The following DNMT3A variants were observed in gnomAD, a reference collection of about 807,000 sequenced individuals.
DNMT3A encodes DNA (cytosine-5)-methyltransferase 3A.
Under a neutral mutation model 117.6 loss-of-function variants are expected in DNMT3A, and 267 were observed. That is an observed-to-expected ratio of 2.27 (90% CI 2.05 to 2.51). The LOEUF is 2.51. DNMT3A is among the 30% of genes most tolerant of loss of function. The pLI is 0.00. For synonymous variants in DNMT3A, 432 were observed against 474.8 expected, an observed-to-expected ratio of 0.91 and a Z score of 1.17; for missense variants, 1,029 against 1,260.2, an observed-to-expected ratio of 0.82 and a Z score of 2.78.
In DNMT3A at chr2:25,339,666, G is replaced by C. The variant is rs566104570; in HGVS notation, c.-178+2160C>G. ...CTCGGTAGAACCTGGAGGCAGAGGG[G>C]GACCATTTTGCCCCAGAAACCCAGC... On this transcript the variant is annotated intron_variant, in intron 1 of 22. Coordinates refer to ENST00000321117, the MANE Select transcript of DNMT3A (RefSeq NM_022552.5). This position sits in a 1 kb window ranked among gnomAD's most constrained non-coding sequence, Gnocchi z 4.9. Among the ~76,000 whole-genome samples the C allele has an allele frequency of 2.6e-5, 4 of 152,128 alleles. No homozygotes were observed. The highest frequency in any genetic ancestry group is 5.9e-5 in the Non-Finnish European group (4 of 68,014).
chr2:25,328,309 A>G (rs890734136), intron 1 of DNMT3A, among the ~76,000 whole-genome samples: 5 of 152,004 alleles, frequency 3.3e-5, no homozygotes, highest in African/African-American at 9.7e-5. Flanking sequence ...GCCTCCGCCC[A>G]CTGCTCTGGC....
At chr2:25,275,410 G>GGCCCCCCC in intron 5 of DNMT3A, 90 bp downstream of exon 5, 9 of 1,451,144 alleles carry the variant, frequency 6.2e-6, no homozygotes, top group South Asian at 1.3e-5. Context: ...AGGAGGAGGG[G>GGCCCCCCC]CCCACCCTCC....
At chr2:25,261,876 C>A (rs765744068) in intron 6 of DNMT3A, among the ~76,000 whole-genome samples, 4 of 151,922 alleles carry the variant, frequency 2.6e-5, no homozygotes, top group Non-Finnish European at 5.9e-5. Context: ...TGAGGACCAC[C>A]CTGGAATCTG....
chr2:25,259,441 C>T (rs950311894), intron 6 of DNMT3A, among the ~76,000 whole-genome samples: 3 of 152,192 alleles, frequency 2.0e-5, no homozygotes, highest in African/African-American at 7.2e-5. Context: ...GATGACAAGA[C>T]CTTAAATAAC....
At chr2:25,278,564 G>A (rs1255721648) in intron 4 of DNMT3A, among the ~76,000 whole-genome samples, 1 of 152,250 alleles carries the variant, frequency 6.6e-6, no homozygotes, top group African/African-American at 2.4e-5. Context: ...AGTGGCTCAT[G>A]CCTGTAATCT....
chr2:25,272,400 A>G (rs2030988198), intron 6 of DNMT3A, among the ~76,000 whole-genome samples: 1 of 152,220 alleles, frequency 6.6e-6, no homozygotes, highest in South Asian at 2.1e-4. Context: ...AACTGAGGGC[A>G]GGCCTCCATA....
chr2:25,241,522 G>A (rs1674019615), intron 17 of DNMT3A, 40 bp downstream of exon 17: 3 of 1,590,630 alleles, frequency 1.9e-6, no homozygotes, highest in Non-Finnish European at 1.7e-6. Context: ...TGAGTGTGCA[G>A]GGAGGGGAAG....
rs1415122431 is a variant in DNMT3A, at chr2:25,233,788, A to C, written c.*491T>G. The stretch of plus-strand genomic sequence containing the variant: ...GTAAAAAAAAAAACCCAAAAAAAAA[A>C]AACAAAAAACAAAAAAAAAAACAAC... On this transcript the variant is annotated 3_prime_UTR_variant, in exon 23 of 23. Coordinates refer to ENST00000321117, the MANE Select transcript of DNMT3A (RefSeq NM_022552.5). The C allele has an allele frequency of 4.7e-6, 1 of 214,384 alleles. No individual in the cohort carries two copies. Among genetic ancestry groups the C allele is most frequent in the African/African-American group, 2.3e-5 (1 of 42,684 alleles). 13.3% of individuals were successfully genotyped at this position (214,384 alleles called of 1,614,324 possible).
chr2:25,244,428 G>A, intron 14 of DNMT3A, 90 bp from the exon 15 acceptor site: 1 of 1,571,188 alleles, frequency 6.4e-7, no homozygotes, highest in Middle Eastern at 1.7e-4. Context: ...ACCGGGTCTG[G>A]AGCATGGCTA....
At chr2:25,246,101 C>G (rs780361181) in intron 11 of DNMT3A, 37 bp from the exon 12 acceptor site, 1 of 1,614,182 alleles carries the variant, frequency 6.2e-7, no homozygotes, top group Non-Finnish European at 8.5e-7. Flanking sequence ...GAGGAGGCCG[C>G]GCCTGCTCCT....
At chr2:25,279,683 T>G (rs2006788) in intron 4 of DNMT3A, among the ~76,000 whole-genome samples, 49,704 of 136,040 alleles carry the variant, frequency 0.37, 8,344 homozygotes, top group African/African-American at 0.44. Flanking sequence ...CCAAAGTTTG[T>G]TTTTTTTTTT....
Position 25,233,789 on chromosome 2 carries a change from A to C in DNMT3A, c.*490T>G, listed in dbSNP as rs1473591527. 3.5e-4 allele frequency: 75 copies of C among 214,512 alleles called. No homozygotes were observed. Among genetic ancestry groups the C allele is most frequent in the African/African-American group, 1.5e-3 (63 of 42,740 alleles). The allele number at this position is 214,512 out of a possible 1,614,324, so 13.3% of individuals were successfully genotyped here. A position where few individuals can be genotyped will look rare whatever the true frequency, so the allele number is the denominator to read the frequency against. ...TAAAAAAAAAAACCCAAAAAAAAAA[A>C]ACAAAAAACAAAAAAAAAAACAACC... On this transcript the variant is annotated 3_prime_UTR_variant, in exon 23 of 23. Transcript: ENST00000321117.
At position 25,286,548 on chromosome 2, in the gene DNMT3A, G is replaced by C. The variant is rs142082647; in HGVS notation, c.178-3837C>G. Among the ~76,000 whole-genome samples the C allele has an allele frequency of 9.3e-4, 142 of 152,290 alleles. No individual in the cohort carries two copies. Among genetic ancestry groups the C allele is most frequent in the Middle Eastern group, 3.4e-3 (1 of 294 alleles). ...GATTCAGCCAAAGTTCTGGGATTTG[G>C]GGGGGAGGGCAATGACTTCTGCCAC... On this transcript the variant is annotated intron_variant, in intron 3 of 22. Coordinates refer to ENST00000321117, the MANE Select transcript of DNMT3A (RefSeq NM_022552.5). This position sits in a 1 kb window ranked among gnomAD's most constrained non-coding sequence, Gnocchi z 4.3.
Position 25,313,903 on chromosome 2 carries a change from C to T in DNMT3A, c.72+10G>A, listed in dbSNP as rs370534287. The T allele has an allele frequency of 1.0e-3, 1,618 of 1,549,148 alleles. 3 individuals are homozygous for T. Among genetic ancestry groups the T allele is most frequent in the Non-Finnish European group, 1.2e-3 (1,342 of 1,146,832 alleles). On this transcript the variant is annotated intron_variant, in intron 2 of 22. Coordinates refer to ENST00000321117, the MANE Select transcript of DNMT3A (RefSeq NM_022552.5). ...AGGCCAGAGGGTCCCCAGCAGAGCC[C>T]GCTGCTCACCTTTCGGTCCTCCTCC...
Position 25,251,167 on chromosome 2 carries a change from G to C in DNMT3A, c.640-2915C>G, listed in dbSNP as rs973289669. Among the ~76,000 whole-genome samples the C allele has an allele frequency of 4.8e-3, 651 of 136,646 alleles. 28 individuals are homozygous for C. Among genetic ancestry groups the C allele is most frequent in the Admixed American group, 0.016 (228 of 13,974 alleles). 89.6% of individuals were successfully genotyped at this position (136,646 alleles called of 152,430 possible). A position where few individuals can be genotyped will look rare whatever the true frequency, so the allele number is the denominator to read the frequency against. On this transcript the variant is annotated intron_variant, in intron 6 of 22. Coordinates refer to ENST00000321117, the MANE Select transcript of DNMT3A (RefSeq NM_022552.5). ...GAAGGAAGAAGCGGGGGGGGGGGTGGGTGAGCAGCAGGGGGCCTGACGAAA... is the reference window on the plus strand; with the variant it reads ...GAAGGAAGAAGCGGGGGGGGGGGTGCGTGAGCAGCAGGGGGCCTGACGAAA...
intron 19 of DNMT3A, 49 bp from the exon 20 acceptor site, chr2:25,239,264 C>T: frequency 6.5e-7 from 1 of 1,545,590 alleles, no homozygotes; most frequent in Non-Finnish European, 8.9e-7. Flanking sequence ...GAGCATGAAA[C>T]AGCGCCGGCA....
chr2:25,255,641 C>A (rs1477689556), intron 6 of DNMT3A, among the ~76,000 whole-genome samples: 1 of 152,190 alleles, frequency 6.6e-6, no homozygotes, highest in East Asian at 1.9e-4. Flanking sequence ...CTGTATTCAT[C>A]AAGCAAACTT....
At chr2:25,272,599 T>C (rs917359323) in intron 6 of DNMT3A, among the ~76,000 whole-genome samples, 1 of 152,178 alleles carries the variant, frequency 6.6e-6, no homozygotes, top group African/African-American at 2.4e-5. Flanking sequence ...GTGCAGCGAC[T>C]GACTTGGAGA....
chr2:25,265,243 C>T lies in DNMT3A; in HGVS notation c.639+9698G>A, dbSNP rs576538960. 2.6e-4 allele frequency among the ~76,000 whole-genome samples: 39 copies of T among 152,330 alleles called. 1 individual carries two copies. In the South Asian group the frequency reaches 6.6e-3, roughly 26 times the overall value. ...TGGCAAAGAGGCATGGGGAGCAGCC[C>T]CAACAACTGCAGGCCGGGGGCGGGA... On this transcript the variant is annotated intron_variant, in intron 6 of 22. Coordinates refer to ENST00000321117, the MANE Select transcript of DNMT3A (RefSeq NM_022552.5).
Sources: allele counts gnomAD v4.1 joint callset (sites outside exome capture counted in the v4.1 genomes callset), GRCh38; gene constraint gnomAD v4.1.1; non-coding constraint Gnocchi (gnomAD v3.1); transcripts MANE v1.5; gene names NCBI Gene and HGNC (gene_info 2026-07-23, HGNC 2026-07-21).